Variants in SGCZ observed in about 807,000 individuals in gnomAD.
SGCZ encodes the protein zeta-sarcoglycan.
In SGCZ, 40 loss-of-function variants were observed where a neutral mutation model predicts 41.3. The ratio of observed to expected loss-of-function variants is 0.97; its 90% CI spans 0.75 to 1.26. The LOEUF (loss-of-function observed/expected upper bound fraction) is 1.26, where lower values mean the gene tolerates loss of function less well. Ranked by LOEUF, SGCZ falls within the 50% of genes most tolerant of loss-of-function variation. The pLI, the probability that SGCZ is intolerant of heterozygous loss-of-function variation, is 0.00. For synonymous variants in SGCZ, 206 were observed against 137.5 expected, an observed-to-expected ratio of 1.50 and a Z score of -3.49; for missense variants, 552 against 369.8, an observed-to-expected ratio of 1.49 and a Z score of -4.04.
intron 1 of SGCZ, among the ~76,000 whole-genome samples, chr8:14,800,795 T>C (rs1016901930): frequency 6.6e-6 from 1 of 152,166 alleles, no homozygotes; most frequent in Non-Finnish European, 1.5e-5. Flanking sequence ...GTATGTTTTA[T>C]AGCAATGTAA....
rs537260356 is a variant in SGCZ, at chr8:14,793,850, G to A, written c.40-238924C>T. ...AAAGAAGCTGAAATAGAGGATCTTG[G>A]AACCTGGAATATCATATCAATACAT... On this transcript the variant is annotated intron_variant, in intron 1 of 7. Coordinates refer to ENST00000382080, the MANE Select transcript of SGCZ (RefSeq NM_139167.4). Among the ~76,000 whole-genome samples, 203 of 152,188 alleles carry A rather than the reference G, an allele frequency of 1.3e-3. 6 individuals carry two copies. The highest frequency in any genetic ancestry group is 8.5e-4 in the Non-Finnish European group (58 of 68,008).
At chr8:14,698,603 C>T (rs966722679) in intron 1 of SGCZ, among the ~76,000 whole-genome samples, 1 of 151,886 alleles carries the variant, frequency 6.6e-6, no homozygotes, top group Non-Finnish European at 1.5e-5. Flanking sequence ...ATACAAATTG[C>T]ATGTTTTCTG....
intron 2 of SGCZ, among the ~76,000 whole-genome samples, chr8:14,410,540 TAA>T (rs10602435): frequency 0.3 from 43,094 of 142,086 alleles, 6,302 homozygotes; most frequent in Non-Finnish European, 0.35. Context: ...TAAGTTAATA[TAA>T]AAAAAAAAAA....
At chr8:14,528,580 G>C (rs1341953227) in intron 2 of SGCZ, among the ~76,000 whole-genome samples, 2 of 151,972 alleles carry the variant, frequency 1.3e-5, no homozygotes, top group Non-Finnish European at 2.9e-5. Context: ...ATTTAAAATA[G>C]ACTTTCTCTG....
At chr8:14,561,820 A>G (rs1407593052) in intron 1 of SGCZ, among the ~76,000 whole-genome samples, 1 of 152,184 alleles carries the variant, frequency 6.6e-6, no homozygotes, top group African/African-American at 2.4e-5. Flanking sequence ...ATTTTATCTA[A>G]TAATGTAAAT....
intron 2 of SGCZ, among the ~76,000 whole-genome samples, chr8:14,544,113 G>A (rs962806254): frequency 6.6e-6 from 1 of 152,146 alleles, no homozygotes; most frequent in South Asian, 2.1e-4. Context: ...ACCCCAAACG[G>A]AGGGACTGGC....
intron 1 of SGCZ, among the ~76,000 whole-genome samples, chr8:14,889,671 GTTA>G (rs1804937713): frequency 6.6e-6 from 1 of 151,838 alleles, no homozygotes; most frequent in Non-Finnish European, 1.5e-5. Flanking sequence ...TCACAAATAT[GTTA>G]TTATGTATTT....
chr8:15,237,032 G>A (rs1802148541), intron 1 of SGCZ, among the ~76,000 whole-genome samples: 1 of 152,226 alleles, frequency 6.6e-6, no homozygotes, highest in Admixed American at 6.5e-5. Flanking sequence ...CACTGCCCGC[G>A]GGCGGTGGGA....
chr8:15,142,832 A>C (rs1345536512), intron 1 of SGCZ, among the ~76,000 whole-genome samples: 1 of 151,980 alleles, frequency 6.6e-6, no homozygotes, highest in Non-Finnish European at 1.5e-5. Flanking sequence ...GCTGGTCTCA[A>C]ACTCCTGGCT....
chr8:14,561,439 C>G (rs1804204788), intron 1 of SGCZ, among the ~76,000 whole-genome samples: 2 of 152,132 alleles, frequency 1.3e-5, no homozygotes, highest in South Asian at 4.1e-4. Context: ...AGATGTTTCT[C>G]TGGCTTCATA....
chr8:15,045,624 T>A (rs1804274814), intron 1 of SGCZ, among the ~76,000 whole-genome samples: 1 of 152,110 alleles, frequency 6.6e-6, no homozygotes, highest in Non-Finnish European at 1.5e-5. Flanking sequence ...CACATTTGTT[T>A]ATGTTTATAT....
At chr8:15,176,426 T>C (rs1437421374) in intron 1 of SGCZ, among the ~76,000 whole-genome samples, 1 of 152,224 alleles carries the variant, frequency 6.6e-6, no homozygotes, top group Non-Finnish European at 1.5e-5. Context: ...GCAAATAGTC[T>C]AATTGAAAGG....
At chr8:14,292,212 T>G (rs1379518567) in intron 3 of SGCZ, among the ~76,000 whole-genome samples, 1 of 152,062 alleles carries the variant, frequency 6.6e-6, no homozygotes, top group Non-Finnish European at 1.5e-5. Context: ...TTTAATTTTT[T>G]CATTCTTCAA....
intron 2 of SGCZ, among the ~76,000 whole-genome samples, chr8:14,458,699 A>G (rs1304952464): frequency 2.6e-5 from 4 of 152,294 alleles, no homozygotes; most frequent in African/African-American, 9.6e-5. Flanking sequence ...CTATCTATCT[A>G]TATATCTACC....
At chr8:14,516,231 T>A (rs2117088505) in intron 2 of SGCZ, among the ~76,000 whole-genome samples, 1 of 152,132 alleles carries the variant, frequency 6.6e-6, no homozygotes, top group African/African-American at 2.4e-5. Flanking sequence ...CTGTACAGAT[T>A]ATTTCAACAA....
chr8:14,444,675 T>C (rs59472782), intron 2 of SGCZ, among the ~76,000 whole-genome samples: 1 of 106,680 alleles, frequency 9.4e-6, no homozygotes, highest in Non-Finnish European at 1.9e-5. Flanking sequence ...GGTGGGGGGA[T>C]GGGGGAGGGA....
At chr8:14,851,376 A>G (rs1452673103) in intron 1 of SGCZ, among the ~76,000 whole-genome samples, 1 of 140,800 alleles carries the variant, frequency 7.1e-6, no homozygotes, top group Non-Finnish European at 1.6e-5. Context: ...CTCAAAAAAA[A>G]AAAAAAAAAA....
chr8:15,043,191 A>T (rs1804174089), intron 1 of SGCZ, among the ~76,000 whole-genome samples: 1 of 152,174 alleles, frequency 6.6e-6, no homozygotes, highest in South Asian at 2.1e-4. Flanking sequence ...TTCTTTAATC[A>T]GCTAGTAAAA....
At chr8:15,134,271 T>C (rs566979580) in intron 1 of SGCZ, among the ~76,000 whole-genome samples, 14 of 151,404 alleles carry the variant, frequency 9.2e-5, no homozygotes, top group African/African-American at 3.4e-4. Flanking sequence ...AACTTTGGTA[T>C]TTAAATGTAA....
Sources: gnomAD v4.1 joint callset for allele counts (sites outside exome capture counted in the v4.1 genomes callset) on GRCh38, gnomAD v4.1.1 for gene constraint, MANE v1.5 for transcripts, NCBI Gene and HGNC (gene_info 2026-07-23, HGNC 2026-07-21) for gene names.